NME9: variants seen among roughly 807,000 people sequenced by gnomAD.
The protein encoded by NME9 is thioredoxin domain-containing protein 6.
A neutral mutation model predicts 44.4 loss-of-function variants in NME9; 48 were observed. The observed-to-expected ratio is 1.08, with a 90% CI of 0.86 to 1.37. NME9 has a LOEUF of 1.37. Among genes scored for constraint, NME9 ranks in the 40% most tolerant of loss-of-function variants. The probability of loss-of-function intolerance (pLI) is 0.00; values close to 1 mark genes in which losing one functional copy is unlikely to be tolerated. For synonymous variants in NME9, 139 were observed against 147.1 expected (o/e 0.94, Z 0.40); for missense variants, 325 against 405.2 (o/e 0.80, Z 1.70).
In NME9 at chr3:138,318,183, T is replaced by TGA. The variant is rs780256269; in HGVS notation, c.231_232insTC (p.Arg78SerfsTer34). 3.1e-6 allele frequency: 5 copies of TGA among 1,612,648 alleles called. No individual in the cohort carries two copies. Among genetic ancestry groups the TGA allele is most frequent in the Admixed American group, 3.3e-5 (2 of 60,004 alleles). ...AGAAAGGTTGGCTCGCACTTCCCTC[T>TGA]GTACTTTTCGAGGACATCAAGACGA... is the stretch of plus-strand genomic sequence containing the variant. On this transcript the variant is annotated frameshift_variant, in exon 4 of 11. Transcript: ENST00000333911. LOFTEE classifies it high-confidence loss of function.
At chr3:138,300,648 G>T (rs147913973), downstream of NME9, among the ~76,000 whole-genome samples, 5 of 152,332 alleles carry the variant, frequency 3.3e-5, no homozygotes, top group East Asian at 9.6e-4. Flanking sequence ...AATTCAGTGG[G>T]AGCTGAAGGC....
In NME9 at chr3:138,262,670, C is replaced by T. The variant is rs1301199517; in HGVS notation, c.746-84G>A. On this transcript the variant is annotated intron_variant, in intron 8 of 8. Coordinates refer to the NME9 transcript ENST00000317876. ...TAATTTAATTGGTCTGCTGTATGGCCTGGACATAGGATTAAAAAAAAAAAT... is the reference window on the plus strand; with the variant it reads ...TAATTTAATTGGTCTGCTGTATGGCTTGGACATAGGATTAAAAAAAAAAAT... 1.1e-5 allele frequency: 15 copies of T among 1,334,112 alleles called. No individual in the cohort carries two copies. In the Admixed American group the frequency reaches 2.6e-4, roughly 23 times the overall value. The allele number at this position is 1,334,112 out of a possible 1,614,324, so 82.6% of individuals were successfully genotyped here.
chr3:138,264,085 A>G, intron 8 of NME9: 1 of 1,551,404 alleles, frequency 6.4e-7, no homozygotes, highest in Non-Finnish European at 8.9e-7. Flanking sequence ...TTTGAAAAGT[A>G]AAAGTTTTGA....
intron 8 of NME9, among the ~76,000 whole-genome samples, chr3:138,288,380 T>G (rs922438391): frequency 1.2e-4 from 19 of 152,226 alleles, no homozygotes; most frequent in African/African-American, 4.1e-4. Context: ...AAGCATAGAA[T>G]TGTCATATGA....
At position 138,328,903 on chromosome 3, in the gene NME9, A is replaced by G. The variant is rs115354434; in HGVS notation, c.33+400T>C. Among the ~76,000 whole-genome samples, 738 of 152,344 alleles carry G rather than the reference A, an allele frequency of 4.8e-3. 7 individuals are homozygous for G. The highest frequency in any genetic ancestry group is 0.017 in the African/African-American group (711 of 41,580). On this transcript the variant is annotated intron_variant, in intron 1 of 10. Coordinates refer to ENST00000333911, the MANE Select transcript of NME9 (RefSeq NM_001349018.2). ...CACACAGTTACAGACTCATGCCCAA[A>G]GTCAAAAGAACCTATACTGTATTCT... is the stretch of plus-strand genomic sequence containing the variant.
intron 10 of NME9, among the ~76,000 whole-genome samples, chr3:138,302,382 A>G (rs979132203): frequency 6.6e-6 from 1 of 152,198 alleles, no homozygotes; most frequent in Non-Finnish European, 1.5e-5. Flanking sequence ...GCCACCTGCC[A>G]CAGACTTGGC....
At chr3:138,302,810 G>A (rs2051939427) in intron 10 of NME9, among the ~76,000 whole-genome samples, 1 of 152,178 alleles carries the variant, frequency 6.6e-6, no homozygotes, top group Non-Finnish European at 1.5e-5. Context: ...CATCCTTTGG[G>A]TTTTCCCAAA....
chr3:138,263,585 C>T, intron 8 of NME9: 1 of 689,632 alleles, frequency 1.5e-6, no homozygotes, highest in Non-Finnish European at 2.6e-6. Flanking sequence ...TGATGAGCTG[C>T]CCGCCCCCAG....
intron 8 of NME9, chr3:138,273,122 TAAA>T: frequency 6.2e-7 from 1 of 1,600,986 alleles, no homozygotes; most frequent in Non-Finnish European, 8.5e-7. Flanking sequence ...GTCCTGTAAG[TAAA>T]ATCACCCAGG....
At chr3:138,324,133 C>T (rs1220263074) in intron 2 of NME9, 11 of 229,192 alleles carry the variant, frequency 4.8e-5, no homozygotes, top group Admixed American at 2.9e-4. Flanking sequence ...AAGAAGTTAA[C>T]GTCTCTGGCC....
chr3:138,297,088 T>C (rs1263237317), downstream of NME9: 1 of 152,244 alleles, frequency 6.6e-6, no homozygotes, highest in Non-Finnish European at 1.5e-5. Flanking sequence ...GCAAATTTCA[T>C]ACTAGTTGCT....
At chr3:138,262,601 A>C in intron 8 of NME9, 1 of 1,572,812 alleles carries the variant, frequency 6.4e-7, no homozygotes, top group African/African-American at 1.4e-5. Context: ...GGAGATTAAA[A>C]AAAAAAAAAA....
At chr3:138,280,522 C>G (rs537852159) in intron 8 of NME9, among the ~76,000 whole-genome samples, 2 of 147,424 alleles carry the variant, frequency 1.4e-5, no homozygotes, top group Non-Finnish European at 3.0e-5. Context: ...GAGACAGTCT[C>G]TCGCTCTGTC....
chr3:138,313,007 G>T (rs2052805821), intron 6 of NME9, among the ~76,000 whole-genome samples: 1 of 152,184 alleles, frequency 6.6e-6, no homozygotes, highest in Non-Finnish European at 1.5e-5. Context: ...TATGAAAAAG[G>T]TGCTCAATAT....
chr3:138,318,139 T>G lies in NME9; in HGVS notation c.267+9A>C. 6.4e-7 allele frequency: 1 copy of G among 1,550,748 alleles called. No homozygotes were observed. The highest frequency in any genetic ancestry group is 8.9e-7 in the Non-Finnish European group (1 of 1,122,126). On this transcript the variant is annotated intron_variant, in intron 4 of 10. Coordinates refer to ENST00000333911, the MANE Select transcript of NME9 (RefSeq NM_001349018.2). ...CGTCAAATAGTTCTGATTCTGAAAA[T>G]GTACTTACTGCATAAAACAGAAAGG... is the stretch of plus-strand genomic sequence containing the variant.
chr3:138,269,352 T>C lies in NME9; in HGVS notation c.746-6766A>G, dbSNP rs2048566469. Among the ~76,000 whole-genome samples, 2 of 152,190 alleles carry C rather than the reference T, an allele frequency of 1.3e-5. 1 individual carries two copies. The highest frequency in any genetic ancestry group is 4.1e-4 in the South Asian group (2 of 4,832). ...TCTTAATCCTCTAAGGTTTGAATAT[T>C]TTTTAGAAATTACCAAAAATTCATG... On this transcript the variant is annotated intron_variant, in intron 8 of 8. Transcript: ENST00000317876.
intron 8 of NME9, among the ~76,000 whole-genome samples, chr3:138,267,401 A>T (rs376958985): frequency 6.6e-6 from 1 of 152,234 alleles, no homozygotes; most frequent in South Asian, 2.1e-4. Context: ...TAAATCATTC[A>T]TTTTAAAGTA....
At position 138,281,813 on chromosome 3, in the gene NME9, G is replaced by A. The variant is rs79121714; in HGVS notation, c.746-19227C>T. ...GAATTCCCCTTTATATTCTGTTTTA[G>A]TGGGTAAGAGGGGGTAGCTGTTTTC... On this transcript the variant is annotated intron_variant, in intron 8 of 8. Coordinates refer to the NME9 transcript ENST00000317876. Among the ~76,000 whole-genome samples, 1,100 of 152,266 alleles carry A rather than the reference G, an allele frequency of 7.2e-3. 11 individuals carry two copies. Among genetic ancestry groups the A allele is most frequent in the African/African-American group, 0.025 (1,029 of 41,536 alleles).
intron 8 of NME9, chr3:138,263,658 T>A (rs2047978329): frequency 5.9e-6 from 7 of 1,189,974 alleles, no homozygotes; most frequent in African/African-American, 1.5e-5. Context: ...TTTTAATGGA[T>A]GTTAACATAC....
Sources: allele counts gnomAD v4.1 joint callset (sites outside exome capture counted in the v4.1 genomes callset), GRCh38; gene constraint gnomAD v4.1.1; transcripts MANE v1.5; gene names NCBI Gene and HGNC (gene_info 2026-07-23, HGNC 2026-07-21).